RADX: variants seen among roughly 807,000 people sequenced by gnomAD.
RADX encodes the protein RPA1 related single stranded DNA binding protein, X-linked.
A neutral mutation model predicts 61.6 loss-of-function variants in RADX; 36 were observed. The ratio of observed to expected loss-of-function variants is 0.58; its 90% confidence interval spans 0.45 to 0.77. The LOEUF (loss-of-function observed/expected upper bound fraction) is 0.77, where lower values mean the gene tolerates loss of function less well. Ranked by LOEUF, RADX falls within the 30% of genes least tolerant of loss-of-function variation. The pLI, the probability that RADX is intolerant of heterozygous loss-of-function variation, is 0.00. For synonymous variants in RADX, 272 were observed against 237.9 expected (o/e 1.14, Z -1.32); for missense variants, 497 against 651.1 (o/e 0.76, Z 2.58).
At chrX:106,668,111 G>A (rs1344933711) in intron 12 of RADX, among the ~76,000 whole-genome samples, 2 of 111,702 alleles carry the variant, frequency 1.8e-5, no homozygotes, top group Non-Finnish European at 3.8e-5. Flanking sequence ...TTAGCTGTAT[G>A]TTAAGTTAAA....
chrX:106,624,425 C>T (rs988007027), intron 2 of RADX, among the ~76,000 whole-genome samples: 6 of 111,681 alleles, frequency 5.4e-5, no homozygotes, highest in Non-Finnish European at 7.5e-5. Context: ...GTCATATGAA[C>T]TGAATTCAAG....
At chrX:106,645,856 G>A (rs1054035073) in intron 10 of RADX, among the ~76,000 whole-genome samples, 4 of 111,173 alleles carry the variant, frequency 3.6e-5, no homozygotes, top group Admixed American at 2.9e-4. Flanking sequence ...GGGTGTTGAA[G>A]TCTCTAGCTA....
At chrX:106,667,929 A>G (rs993509303) in intron 12 of RADX, among the ~76,000 whole-genome samples, 1 of 111,678 alleles carries the variant, frequency 9.0e-6, no homozygotes, top group African/African-American at 3.3e-5. Context: ...TCAAGGATAT[A>G]AGATACCAGC....
intron 11 of RADX, among the ~76,000 whole-genome samples, chrX:106,651,882 T>C (rs1927800700): frequency 9.1e-6 from 1 of 110,264 alleles, no homozygotes; most frequent in Non-Finnish European, 1.9e-5. Flanking sequence ...AGAAAAAGCA[T>C]GATTAAGATA....
In RADX at chrX:106,625,237, CAG is replaced by C; in HGVS notation, c.935_936del (p.Gln312ProfsTer56). 8.4e-7 allele frequency: 1 copy of C among 1,192,200 alleles called. No individual in the cohort carries two copies. The highest frequency in any genetic ancestry group is 2.3e-4 in the Middle Eastern group (1 of 4,290). On this transcript the variant is annotated frameshift_variant, in exon 3 of 14. Coordinates refer to ENST00000372548, the MANE Select transcript of RADX (RefSeq NM_018015.6). LOFTEE classifies it high-confidence loss of function. ...SVKKSYPFRI[Q>X]PVPVDPQIKL... The stretch of plus-strand genomic sequence containing the variant: ...TAAAAAGAGTTATCCATTCAGAATA[CAG>C]CCTGTCCCCGTGGATCCACAGATCA...
chrX:106,644,128 T>G (rs1261516201), intron 10 of RADX, among the ~76,000 whole-genome samples: 3 of 111,980 alleles, frequency 2.7e-5, no homozygotes, highest in African/African-American at 9.7e-5. Flanking sequence ...GTTGATTTTG[T>G]ATCCTGCAAC....
At chrX:106,664,483 T>C (rs902447499) in intron 12 of RADX, among the ~76,000 whole-genome samples, 8 of 112,048 alleles carry the variant, frequency 7.1e-5, no homozygotes, top group African/African-American at 1.6e-4. Flanking sequence ...TAAAAAGTTA[T>C]GTAAATGATC....
chrX:106,653,504 GTTTTATTTTA>G (rs60789629), intron 11 of RADX, among the ~76,000 whole-genome samples: 15,090 of 102,232 alleles, frequency 0.15, 1,369 homozygotes, highest in East Asian at 0.51. Flanking sequence ...ATGGGATTAT[GTTTTATTTTA>G]TTTTATTTTA....
chrX:106,679,275 C>T lies in RADX; in HGVS notation c.*1017C>T, dbSNP rs777840843. On this transcript the variant is annotated 3_prime_UTR_variant, in exon 14 of 14. Transcript: ENST00000372548. ...TAGTTCTGTGACTTCATTTGCTATA[C>T]GCTTTAAATGTGTTGAGCAGCCTAT... 2.1e-4 allele frequency: 23 copies of T among 111,839 alleles called. No homozygotes were observed. The highest frequency in any genetic ancestry group is 6.5e-4 in the African/African-American group (20 of 30,780). 9.2% of individuals were successfully genotyped at this position (111,839 alleles called of 1,213,427 possible).
chrX:106,628,717 C>T (rs780324748), intron 3 of RADX, among the ~76,000 whole-genome samples: 1 of 106,373 alleles, frequency 9.4e-6, no homozygotes, highest in East Asian at 2.9e-4. Context: ...AAACTTGGCT[C>T]ACTGCAACCT....
chrX:106,642,617 G>T (rs903689907), intron 10 of RADX, among the ~76,000 whole-genome samples: 4 of 111,329 alleles, frequency 3.6e-5, no homozygotes, highest in Admixed American at 2.9e-4. Flanking sequence ...TACTCCATTG[G>T]GTATATGTAT....
At chrX:106,631,712 A>G (rs1454472276) in intron 3 of RADX, among the ~76,000 whole-genome samples, 3 of 107,293 alleles carry the variant, frequency 2.8e-5, no homozygotes, top group Non-Finnish European at 5.8e-5. Flanking sequence ...AAAAAAAAAA[A>G]AAAAGAAAGA....
intron 1 of RADX, among the ~76,000 whole-genome samples, chrX:106,620,776 A>G (rs1394089353): frequency 1.8e-5 from 2 of 112,379 alleles, no homozygotes; most frequent in Non-Finnish European, 3.8e-5. Flanking sequence ...TCTATTGCAT[A>G]TTGAATAACC....
intron 11 of RADX, 126 bp downstream of exon 11, chrX:106,648,512 TA>T: frequency 2.2e-6 from 1 of 463,543 alleles, no homozygotes; most frequent in South Asian, 4.4e-5. Context: ...ATAGTAATAT[TA>T]GCTTAGGTCA....
At chrX:106,660,431 T>G (rs969034880) in intron 11 of RADX, among the ~76,000 whole-genome samples, 4 of 112,144 alleles carry the variant, frequency 3.6e-5, no homozygotes, top group Non-Finnish European at 5.6e-5. Context: ...CAGCTAGGCT[T>G]AAGAAACCAA....
At chrX:106,661,043 A>G (rs1446710778) in intron 11 of RADX, among the ~76,000 whole-genome samples, 1 of 111,267 alleles carries the variant, frequency 9.0e-6, no homozygotes, top group Non-Finnish European at 1.9e-5. Flanking sequence ...TCTCATTTTC[A>G]TGAGAACAGC....
rs550729544 is a variant in RADX at position 106,612,098 on chromosome X, A to G, written c.18A>G (p.Gly6=). 7.5e-6 allele frequency: 9 copies of G among 1,206,627 alleles called. No homozygotes were observed. In the Admixed American group the frequency reaches 1.8e-4, roughly 24 times the overall value. ...ATCCAACAATGTCTGGTGAGTCAGG[A>G]CAGCCTGAGGCTGGTCCCTCACATG... MSGES[G]QPEAGPSHAG... Residue 6 remains glycine, a synonymous_variant, in exon 1 of 14, where the codon GGA becomes GGG. Coordinates refer to ENST00000372548, the MANE Select transcript of RADX (RefSeq NM_018015.6).
chrX:106,612,847 C>A, intron 1 of RADX, 124 bp downstream of exon 1: 1 of 683,077 alleles, frequency 1.5e-6, no homozygotes, highest in East Asian at 3.5e-5. Context: ...GGTAGGTAGA[C>A]AAGTTTTCTT....
chrX:106,624,699 G>C (rs1216948390), intron 2 of RADX, among the ~76,000 whole-genome samples: 1 of 111,532 alleles, frequency 9.0e-6, no homozygotes, highest in African/African-American at 3.3e-5. Flanking sequence ...TATGGATTCA[G>C]TAAATGTTTA....
Sources: allele counts gnomAD v4.1 joint callset (sites outside exome capture counted in the v4.1 genomes callset), GRCh38; gene constraint gnomAD v4.1.1; transcripts MANE v1.5; gene names NCBI Gene and HGNC (gene_info 2026-07-23, HGNC 2026-07-21).